Variants in MIPEP observed in about 807,000 individuals in gnomAD.
MIPEP encodes the protein mitochondrial intermediate peptidase.
MIPEP carries 79 observed loss-of-function variants against 90.3 expected under a neutral mutation model. The ratio of observed to expected loss-of-function variants is 0.87; its 90% CI spans 0.73 to 1.05. The LOEUF is 1.05. Ranked by LOEUF, MIPEP falls within the 50% of genes least tolerant of loss-of-function variation. The pLI, the probability that MIPEP is intolerant of heterozygous loss-of-function variation, is 0.00. For missense variants in MIPEP, 940 were observed against 905.6 expected (o/e 1.04, Z -0.49); for synonymous variants, 334 against 315.8 (o/e 1.06, Z -0.61).
intron 14 of MIPEP, among the ~76,000 whole-genome samples, chr13:23,814,659 G>C (rs1403129389): frequency 1.3e-5 from 2 of 152,198 alleles, no homozygotes; most frequent in African/African-American, 4.8e-5. Flanking sequence ...GAACAACTGT[G>C]CAAGAAACAT....
intron 14 of MIPEP, among the ~76,000 whole-genome samples, chr13:23,818,266 A>G (rs1334850577): frequency 6.6e-6 from 1 of 152,030 alleles, no homozygotes; most frequent in African/African-American, 2.4e-5. Flanking sequence ...AAAAAAAAAA[A>G]AAAATTAGCT....
intron 18 of MIPEP, among the ~76,000 whole-genome samples, chr13:23,737,494 T>G (rs996327809): frequency 1.3e-5 from 2 of 152,194 alleles, no homozygotes; most frequent in African/African-American, 4.8e-5. Flanking sequence ...AAGGGGCTCC[T>G]AACTATGCAT....
chr13:23,760,401 T>A (rs1233002782), intron 16 of MIPEP, 184 bp from the exon 17 acceptor site: 3 of 805,482 alleles, frequency 3.7e-6, no homozygotes, highest in East Asian at 5.2e-5. Flanking sequence ...AGGGCTGAAC[T>A]GTGTCTCCTG....
intron 16 of MIPEP, among the ~76,000 whole-genome samples, chr13:23,786,236 C>G (rs960865373): frequency 4.6e-5 from 7 of 152,012 alleles, no homozygotes; most frequent in Non-Finnish European, 1.0e-4. Context: ...TTAAAAAAGA[C>G]AAGAAAAACT....
intron 14 of MIPEP, among the ~76,000 whole-genome samples, chr13:23,822,627 T>C (rs1302919346): frequency 6.6e-6 from 1 of 152,200 alleles, no homozygotes; most frequent in Non-Finnish European, 1.5e-5. Flanking sequence ...ACCCTCTTTG[T>C]GTACCCAAAC....
intron 1 of MIPEP, among the ~76,000 whole-genome samples, chr13:23,887,036 A>C (rs1052419381): frequency 6.6e-6 from 1 of 152,224 alleles, no homozygotes; most frequent in Non-Finnish European, 1.5e-5. Flanking sequence ...TAACAGCAGC[A>C]GCTGACAAGG....
chr13:23,731,635 T>G (rs554728465), intron 18 of MIPEP, among the ~76,000 whole-genome samples: 1 of 152,254 alleles, frequency 6.6e-6, no homozygotes, highest in East Asian at 1.9e-4. Flanking sequence ...AAATGTTAGA[T>G]TTCATCAAAA....
At chr13:23,848,234 A>G (rs941256424) in intron 10 of MIPEP, among the ~76,000 whole-genome samples, 4 of 152,236 alleles carry the variant, frequency 2.6e-5, no homozygotes, top group African/African-American at 9.7e-5. Context: ...ACTGTAAATT[A>G]TAGCCACTAT....
chr13:23,879,143 T>A (rs568124705), intron 4 of MIPEP, 125 bp downstream of exon 4: 1 of 687,340 alleles, frequency 1.5e-6, no homozygotes, highest in Non-Finnish European at 2.6e-6. Context: ...GCAGGAGTCA[T>A]AGAGATACCT....
chr13:23,752,113 G>A (rs1332601568), intron 18 of MIPEP, among the ~76,000 whole-genome samples: 1 of 152,066 alleles, frequency 6.6e-6, no homozygotes, highest in Non-Finnish European at 1.5e-5. Flanking sequence ...TAAAAATAGG[G>A]ACAATATGAC....
At chr13:23,868,946 A>T (rs531685068) in intron 7 of MIPEP, among the ~76,000 whole-genome samples, 6 of 152,324 alleles carry the variant, frequency 3.9e-5, no homozygotes, top group African/African-American at 1.4e-4. Context: ...TGACCTCAGT[A>T]AACATACTGA....
chr13:23,843,974 G>C (rs769212528), intron 10 of MIPEP, among the ~76,000 whole-genome samples: 5 of 152,174 alleles, frequency 3.3e-5, no homozygotes, highest in Non-Finnish European at 5.9e-5. Context: ...GTGTTTGTGG[G>C]AGAAGAGAGG....
chr13:23,881,929 G>T (rs1328448608), intron 2 of MIPEP, 142 bp from the exon 3 acceptor site: 2 of 627,584 alleles, frequency 3.2e-6, no homozygotes, highest in Non-Finnish European at 5.7e-6. Flanking sequence ...TTTCCTAAGC[G>T]AGTAAAGCAA....
chr13:23,789,211 T>TA (rs1446886938), intron 16 of MIPEP, among the ~76,000 whole-genome samples: 19 of 152,302 alleles, frequency 1.2e-4, no homozygotes, highest in Non-Finnish European at 2.1e-4. Context: ...TGTTATAATT[T>TA]AAAAAAACCA....
intron 18 of MIPEP, among the ~76,000 whole-genome samples, chr13:23,742,978 C>T (rs1418546210): frequency 6.6e-6 from 1 of 152,104 alleles, no homozygotes; most frequent in Non-Finnish European, 1.5e-5. Flanking sequence ...TATTTTACCA[C>T]AATTTTAAAA....
chr13:23,765,920 A>G (rs781610673), intron 16 of MIPEP: 1 of 152,230 alleles, frequency 6.6e-6, no homozygotes, highest in Admixed American at 6.5e-5. Context: ...TAAGAATGGT[A>G]GTGAAATATA....
chr13:23,775,910 AT>A (rs548343249), intron 16 of MIPEP, among the ~76,000 whole-genome samples: 4 of 152,114 alleles, frequency 2.6e-5, no homozygotes, highest in Non-Finnish European at 5.9e-5. Flanking sequence ...ATTTAAAAGA[AT>A]TTTTTTTGGT....
chr13:23,881,914 G>A, intron 2 of MIPEP, 127 bp from the exon 3 acceptor site: 1 of 658,426 alleles, frequency 1.5e-6, no homozygotes, highest in Non-Finnish European at 2.7e-6. Context: ...TTCCATTACT[G>A]ACTTTTTCCT....
rs557013935 is a variant in MIPEP at position 23,806,617 on chromosome 13, G to A, written c.1729-548C>T. ...GGCGTGAACCTGGGAGGCGGAGCTC[G>A]CAGTGAGCCGAGATTGCTCCACTGC... On this transcript the variant is annotated intron_variant, in intron 15 of 18. Coordinates refer to ENST00000382172, the MANE Select transcript of MIPEP (RefSeq NM_005932.4). 1.6e-3 allele frequency among the ~76,000 whole-genome samples: 241 copies of A among 152,006 alleles called. 2 individuals carry two copies. Among genetic ancestry groups the A allele is most frequent in the Middle Eastern group, 6.8e-3 (2 of 294 alleles).
Sources: allele counts gnomAD v4.1 joint callset (sites outside exome capture counted in the v4.1 genomes callset), GRCh38; gene constraint gnomAD v4.1.1; transcripts MANE v1.5; gene names NCBI Gene and HGNC (gene_info 2026-07-23, HGNC 2026-07-21).